Variants in KCNIP2 observed in about 807,000 individuals in gnomAD.
The protein encoded by KCNIP2 is potassium voltage-gated channel interacting protein 2.
KCNIP2 carries 19 observed loss-of-function variants against 39.0 expected under a neutral mutation model. That is an observed-to-expected ratio of 0.49 (90% confidence interval 0.34 to 0.71). The LOEUF (loss-of-function observed/expected upper bound fraction) is 0.71, where lower values mean the gene tolerates loss of function less well. KCNIP2 is among the 30% of genes least tolerant of loss of function. The probability of loss-of-function intolerance (pLI) is 0.01; values close to 1 mark genes in which losing one functional copy is unlikely to be tolerated. For missense variants in KCNIP2, 261 were observed against 346.0 expected (o/e 0.75, Z 1.95); for synonymous variants, 111 against 131.2 (o/e 0.85, Z 1.05).
In KCNIP2 at chr10:101,829,167, C is replaced by A; in HGVS notation, c.256G>T (p.Val86Leu). 6.2e-7 allele frequency: 1 copy of A among 1,614,078 alleles called. No homozygotes were observed. Residue 86 changes from valine to leucine, a missense_variant, in exon 4 of 10, where the codon GTG (valine) becomes TTG (leucine). Val to Leu is a conservative substitution (Grantham distance 32). Transcript: ENST00000356640. The stretch of plus-strand genomic sequence containing the variant: ...TCCAGACCCTCAGGCCGGTGACACA[C>A]GGTGGACAATTCAAATTCATCGTCC... Reference protein sequence around the residue: ...SVDDEFELSTVCHRPEGLEQL... With the variant: ...SVDDEFELSTLCHRPEGLEQL...
rs72546683 is a variant in KCNIP2, at chr10:101,829,113, G to T, written c.310C>A (p.Arg104Ser). The change falls in exon 4 of 10, where the codon CGC becomes AGC. Residue 104 changes from arginine (R) to serine (S), a missense_variant. Transcript: ENST00000356640. Reference sequence around the variant, plus strand: ...CGGTACAGGACCTGCAACTCCTTGCGCGTGAATTTGGTTTGCTCCTGCAGC... The same window carrying T: ...CGGTACAGGACCTGCAACTCCTTGCTCGTGAATTTGGTTTGCTCCTGCAGC... ...EQLQEQTKFT[R>S]KELQVLYRGF... The T allele has an allele frequency of 9.3e-6, 15 of 1,614,166 alleles. No homozygotes were observed. Among genetic ancestry groups the T allele is most frequent in the Non-Finnish European group, 1.3e-5 (15 of 1,180,016 alleles).
intron 1 of KCNIP2, among the ~76,000 whole-genome samples, chr10:101,836,320 C>A (rs2066161061): frequency 6.7e-6 from 1 of 149,622 alleles, no homozygotes; most frequent in African/African-American, 2.5e-5. Context: ...TTCTATCACC[C>A]AGGCTAAAGT....
At chr10:101,830,377 A>G (rs1291481271) in intron 2 of KCNIP2, 1 of 1,281,148 alleles carries the variant, frequency 7.8e-7, no homozygotes, top group Non-Finnish European at 1.0e-6. Flanking sequence ...CAGGGGTCCA[A>G]AACACGGTGG....
At chr10:101,827,528 G>C (rs557372426) in intron 9 of KCNIP2, 128 bp from the exon 10 acceptor site, 2 of 1,286,612 alleles carry the variant, frequency 1.6e-6, no homozygotes, top group African/African-American at 2.9e-5. Context: ...GATGCCCAGA[G>C]AGACCTGAGG....
intron 8 of KCNIP2, 60 bp from the exon 9 acceptor site, chr10:101,827,811 AGTCAG>A: frequency 6.5e-7 from 1 of 1,532,476 alleles, no homozygotes; most frequent in Non-Finnish European, 9.0e-7. Context: ...GGCAGACAGA[AGTCAG>A]GTGAGTTCCC....
chr10:101,839,644 T>C, intron 1 of KCNIP2: 1 of 989,842 alleles, frequency 1.0e-6, no homozygotes. Flanking sequence ...GGGATGTTGC[T>C]CCCTCCATCT....
intron 1 of KCNIP2, among the ~76,000 whole-genome samples, chr10:101,839,403 C>G (rs1426092415): frequency 3.3e-5 from 5 of 152,160 alleles, no homozygotes; most frequent in African/African-American, 1.2e-4. Context: ...AACTTTTTCC[C>G]TGCTCTGCTG....
At chr10:101,840,396 G>A (rs1352705781) in intron 1 of KCNIP2, among the ~76,000 whole-genome samples, 2 of 151,924 alleles carry the variant, frequency 1.3e-5, no homozygotes, top group African/African-American at 2.4e-5. Context: ...CAAAGAAGAG[G>A]CAGCAGAGTT....
rs1165945939 is a variant in KCNIP2, at chr10:101,827,318, T to TC, written c.*34dup. ...CGCCTGGACTAGGGTTAGAGCATGG[T>TC]CCCCCCAGGAAACACTGACCCCCTC... On this transcript the variant is annotated 3_prime_UTR_variant, in exon 10 of 10. Coordinates refer to ENST00000356640, the MANE Select transcript of KCNIP2 (RefSeq NM_173191.3). 2.4e-5 allele frequency: 38 copies of TC among 1,574,722 alleles called. No individual in the cohort carries two copies. The highest frequency in any genetic ancestry group is 2.8e-5 in the Non-Finnish European group (32 of 1,156,232).
chr10:101,840,130 G>C (rs2066286939), intron 1 of KCNIP2, among the ~76,000 whole-genome samples: 2 of 152,094 alleles, frequency 1.3e-5, no homozygotes, highest in Admixed American at 1.3e-4. Context: ...GGTTCTGGCG[G>C]GGAGGCCAGG....
chr10:101,841,073 G>A (rs537474355), intron 1 of KCNIP2, among the ~76,000 whole-genome samples: 53 of 152,356 alleles, frequency 3.5e-4, no homozygotes, highest in African/African-American at 1.2e-3. Flanking sequence ...GATTAGACAG[G>A]GGTCCGGGCG....
chr10:101,829,281 C>T lies in KCNIP2; in HGVS notation c.224-82G>A, dbSNP rs868683543. ...AAATCACTGCCCCATTCACCCCCTC[C>T]CCGCCCCCCGGTCCCATCCGATGCC... On this transcript the variant is annotated intron_variant, in intron 3 of 9. Transcript: ENST00000356640. 6 of 1,463,628 alleles carry T rather than the reference C, an allele frequency of 4.1e-6. 1 individual carries two copies. In the Middle Eastern group the frequency reaches 1.2e-3, roughly 290 times the overall value. The allele number at this position is 1,463,628 out of a possible 1,614,324, so 90.7% of individuals were successfully genotyped here. A position where few individuals can be genotyped will look rare whatever the true frequency, so the allele number is the denominator to read the frequency against.
At chr10:101,836,528 G>A (rs976527661) in intron 1 of KCNIP2, among the ~76,000 whole-genome samples, 34 of 152,206 alleles carry the variant, frequency 2.2e-4, no homozygotes, top group African/African-American at 7.7e-4. Flanking sequence ...GTGCCACCGC[G>A]TCTGGCCTCA....
At chr10:101,835,765 C>T (rs140060009) in intron 1 of KCNIP2, among the ~76,000 whole-genome samples, 23 of 152,222 alleles carry the variant, frequency 1.5e-4, no homozygotes, top group African/African-American at 4.8e-4. Flanking sequence ...TGCTGGCTAA[C>T]GGTGACTGAG....
Position 101,829,149 on chromosome 10 carries a change from C to A in KCNIP2, c.274G>T (p.Gly92Cys). Residue 92 changes from glycine to cysteine, a missense_variant, in exon 4 of 10, where the codon GGT becomes TGT. Gly to Cys is a radical substitution (Grantham distance 159). Transcript: ENST00000356640. The stretch of plus-strand genomic sequence containing the variant: ...GTTTGCTCCTGCAGCTGCTCCAGAC[C>A]CTCAGGCCGGTGACACACGGTGGAC... ...ELSTVCHRPEGLEQLQEQTKF... is the reference protein window; with the variant it reads ...ELSTVCHRPECLEQLQEQTKF... The A allele has an allele frequency of 6.2e-7, 1 of 1,614,176 alleles. No individual in the cohort carries two copies. Among genetic ancestry groups the A allele is most frequent in the Non-Finnish European group, 8.5e-7 (1 of 1,180,026 alleles).
In KCNIP2 at chr10:101,828,610, G is replaced by T. The variant is rs565998529; in HGVS notation, c.418+17C>A. The T allele has an allele frequency of 9.3e-6, 15 of 1,611,812 alleles. 1 individual carries two copies. In the African/African-American group the frequency reaches 1.5e-4, roughly 16 times the overall value. ...TAGAGAAGGACAACTGCTTCCCCTT[G>T]GGCCTTGTCCCCTCACCTCCTTGAG... On this transcript the variant is annotated intron_variant, in intron 5 of 9. Coordinates refer to ENST00000356640, the MANE Select transcript of KCNIP2 (RefSeq NM_173191.3). This position sits in a 1 kb window ranked among gnomAD's most constrained non-coding sequence, Gnocchi z 6.6.
chr10:101,827,748 TC>T lies in KCNIP2; in HGVS notation c.705del (p.Met236TrpfsTer9), dbSNP rs774985846. ...ACCACACCATCCTTGTTTCTGTCCATCTTCTGCAAGAAGGTGGTCAGGCAGG... is the reference window on the plus strand; with the variant it reads ...ACCACACCATCCTTGTTTCTGTCCATTTCTGCAAGAAGGTGGTCAGGCAGG... ...PREHVESFFQ[K>X]MDRNKDGVVT... On this transcript the variant is annotated frameshift_variant and splice_region_variant, in exon 9 of 10. Transcript: ENST00000356640. LOFTEE classifies it high-confidence loss of function. The T allele has an allele frequency of 1.1e-5, 18 of 1,608,854 alleles. No individual in the cohort carries two copies. The Admixed American group carries it at 2.2e-4, about 19-fold the overall frequency.
At chr10:101,835,462 G>C (rs567955126) in intron 1 of KCNIP2, among the ~76,000 whole-genome samples, 2 of 152,278 alleles carry the variant, frequency 1.3e-5, no homozygotes, top group African/African-American at 2.4e-5. Flanking sequence ...GGAGAGGAGG[G>C]GGGACTGTGC....
At position 101,828,666 on chromosome 10, in the gene KCNIP2, TCTC is replaced by T; in HGVS notation, c.376_378del (p.Glu126del). The T allele has an allele frequency of 1.9e-6, 3 of 1,614,064 alleles. No homozygotes were observed. Among genetic ancestry groups the T allele is most frequent in the South Asian group, 1.1e-5 (1 of 91,078 alleles). ...AACTGGGAGTAAATCTGCTTGAAGT[TCTC>T]CTCATTGACAATTCCGCTGGGACAT... On this transcript the variant is annotated inframe_deletion, in exon 5 of 10. Coordinates refer to ENST00000356640, the MANE Select transcript of KCNIP2 (RefSeq NM_173191.3). This position sits in a 1 kb window ranked among gnomAD's most constrained non-coding sequence, Gnocchi z 6.6.
Sources: allele counts gnomAD v4.1 joint callset (sites outside exome capture counted in the v4.1 genomes callset), GRCh38; gene constraint gnomAD v4.1.1; non-coding constraint Gnocchi (gnomAD v3.1); transcripts MANE v1.5; gene names NCBI Gene and HGNC (gene_info 2026-07-23, HGNC 2026-07-21).